Variants in MAPK4 observed in about 807,000 individuals in gnomAD.
The protein encoded by MAPK4 is Erk3-related.
MAPK4 carries 22 observed loss-of-function variants against 47.7 expected under a neutral mutation model. The observed-to-expected ratio is 0.46, with a 90% CI of 0.33 to 0.66. MAPK4 has a LOEUF of 0.66. MAPK4 is among the 30% of genes least tolerant of loss of function. The probability of loss-of-function intolerance (pLI) is 0.02; values close to 1 mark genes in which losing one functional copy is unlikely to be tolerated. For missense variants in MAPK4, 736 were observed against 831.7 expected (o/e 0.88, Z 1.42); for synonymous variants, 390 against 365.7 (o/e 1.07, Z -0.76).
intron 1 of MAPK4, among the ~76,000 whole-genome samples, chr18:50,649,966 T>G (rs1273069069): frequency 6.6e-6 from 1 of 152,116 alleles, no homozygotes; most frequent in Non-Finnish European, 1.5e-5. Context: ...AATATCCAAG[T>G]GTGTTGGCTG....
intron 1 of MAPK4, among the ~76,000 whole-genome samples, chr18:50,606,634 G>A (rs2042585611): frequency 6.6e-6 from 1 of 152,156 alleles, no homozygotes; most frequent in African/African-American, 2.4e-5. Context: ...AACCAAGGCT[G>A]GGATTGGCAA....
At chr18:50,614,170 T>G (rs1212639705) in intron 1 of MAPK4, among the ~76,000 whole-genome samples, 1 of 152,150 alleles carries the variant, frequency 6.6e-6, no homozygotes, top group East Asian at 1.9e-4. Context: ...AAATTATATA[T>G]ACTATAGCAA....
intron 1 of MAPK4, among the ~76,000 whole-genome samples, chr18:50,578,140 T>C (rs1193182779): frequency 2.6e-5 from 4 of 152,054 alleles, no homozygotes; most frequent in Non-Finnish European, 5.9e-5. Flanking sequence ...GTCCAAGGCG[T>C]AAGGGGAGGG....
chr18:50,564,535 A>G (rs1451024978), intron 1 of MAPK4, among the ~76,000 whole-genome samples: 4 of 152,228 alleles, frequency 2.6e-5, no homozygotes, highest in South Asian at 2.1e-4. Context: ...ATCATGCCAT[A>G]TAAGAGAGGC....
Position 50,722,016 on chromosome 18 carries a change from T to G in MAPK4, c.770T>G (p.Leu257Arg), listed in dbSNP as rs781093343. 6.2e-7 allele frequency: 1 copy of G among 1,613,882 alleles called. No individual in the cohort carries two copies. The highest frequency in any genetic ancestry group is 2.2e-5 in the East Asian group (1 of 44,886). Residue 257 changes from leucine to arginine, a missense_variant, in exon 4 of 6, where the codon CTC becomes CGC. Leu to Arg is a moderately radical substitution (Grantham distance 102). Around this residue, in one of 3 missense-constraint regions of MAPK4, gnomAD observed 327 missense variants for 395.4 expected, o/e 0.83. Coordinates refer to ENST00000400384, the MANE Select transcript of MAPK4 (RefSeq NM_002747.4). The part of the protein sequence containing the change: ...VIREEDKDEL[L>R]RVMPSFVSST... ...CGGGAGGAAGACAAGGACGAGCTGC[T>G]CAGGGTGATGCCTTCCTTTGTCAGC...
At chr18:50,643,369 C>T (rs2042957311) in intron 1 of MAPK4, among the ~76,000 whole-genome samples, 1 of 152,196 alleles carries the variant, frequency 6.6e-6, no homozygotes, top group South Asian at 2.1e-4. Flanking sequence ...AAACATTAGC[C>T]AGGCATGGCA....
intron 2 of MAPK4, among the ~76,000 whole-genome samples, chr18:50,671,966 C>T (rs1271162081): frequency 1.3e-5 from 2 of 151,728 alleles, no homozygotes; most frequent in Admixed American, 6.6e-5. Flanking sequence ...TCTTTGATGG[C>T]TTCTTGCCTG....
intron 1 of MAPK4, among the ~76,000 whole-genome samples, chr18:50,638,655 A>G (rs1286314761): frequency 2.0e-5 from 3 of 152,208 alleles, no homozygotes; most frequent in Non-Finnish European, 4.4e-5. Context: ...TCTAGCATGG[A>G]GAAATGAACA....
At chr18:50,573,200 A>C in intron 1 of MAPK4, among the ~76,000 whole-genome samples, 1 of 152,226 alleles carries the variant, frequency 6.6e-6, no homozygotes, top group East Asian at 1.9e-4. Flanking sequence ...AGAATTAAGA[A>C]GGTGGAGAAA....
Position 50,560,163 on chromosome 18 carries a change from C to T in MAPK4, c.-951C>T, listed in dbSNP as rs980695048. ...CGCCGTGCGCCGTGGCTGGGACCGGCCTGGCCGAGCGCGCCGGCGCCGCGG... is the reference window on the plus strand; with the variant it reads ...CGCCGTGCGCCGTGGCTGGGACCGGTCTGGCCGAGCGCGCCGGCGCCGCGG... On this transcript the variant is annotated 5_prime_UTR_variant, in exon 1 of 6. Transcript: ENST00000400384. 1.3e-5 allele frequency: 2 copies of T among 150,024 alleles called. No homozygotes were observed. The highest frequency in any genetic ancestry group is 3.0e-5 in the Non-Finnish European group (2 of 67,296). 9.3% of individuals were successfully genotyped at this position (150,024 alleles called of 1,614,324 possible). A position where few individuals can be genotyped will look rare whatever the true frequency, so the allele number is the denominator to read the frequency against.
At chr18:50,715,654 T>C (rs185828067) in intron 3 of MAPK4, among the ~76,000 whole-genome samples, 1 of 152,338 alleles carries the variant, frequency 6.6e-6, no homozygotes, top group East Asian at 1.9e-4. Context: ...AAGGACACAC[T>C]GAGATGGCAT....
At chr18:50,573,020 G>A (rs1258785352) in intron 1 of MAPK4, among the ~76,000 whole-genome samples, 1 of 152,208 alleles carries the variant, frequency 6.6e-6, no homozygotes, top group Admixed American at 6.5e-5. Context: ...AGCATGTACA[G>A]TTATGATTAT....
At chr18:50,621,722 T>G (rs1270269721) in intron 1 of MAPK4, among the ~76,000 whole-genome samples, 2 of 152,194 alleles carry the variant, frequency 1.3e-5, no homozygotes, top group Admixed American at 6.5e-5. Flanking sequence ...GAGCAAAACT[T>G]TTTTCCAGAA....
At chr18:50,630,746 G>A (rs1039321903) in intron 1 of MAPK4, among the ~76,000 whole-genome samples, 5 of 152,248 alleles carry the variant, frequency 3.3e-5, no homozygotes, top group Admixed American at 1.3e-4. Flanking sequence ...ACAGCCCTCC[G>A]CAGTCTGACC....
intron 1 of MAPK4, among the ~76,000 whole-genome samples, chr18:50,568,950 T>A (rs2042226428): frequency 6.6e-6 from 1 of 152,234 alleles, no homozygotes; most frequent in Non-Finnish European, 1.5e-5. Context: ...TGGTTCTTTA[T>A]TGTAATTTTT....
At chr18:50,580,275 C>T (rs2042332059) in intron 1 of MAPK4, among the ~76,000 whole-genome samples, 1 of 152,156 alleles carries the variant, frequency 6.6e-6, no homozygotes, top group Non-Finnish European at 1.5e-5. Context: ...CAATAGGTCA[C>T]CTTTGTTGAG....
At chr18:50,567,730 T>TTG (rs10551391) in intron 1 of MAPK4, among the ~76,000 whole-genome samples, 2,279 of 149,098 alleles carry the variant, frequency 0.015, 45 homozygotes, top group African/African-American at 0.045. Flanking sequence ...TTATAGGACT[T>TTG]TGTGTGTGTG....
chr18:50,704,961 G>A (rs1186037097), intron 2 of MAPK4: 1 of 392,858 alleles, frequency 2.5e-6, no homozygotes, highest in African/African-American at 2.1e-5. Context: ...CTTTTTGAGG[G>A]TGGAGGTGTA....
chr18:50,587,492 A>C (rs2042399005), intron 1 of MAPK4, among the ~76,000 whole-genome samples: 1 of 152,156 alleles, frequency 6.6e-6, no homozygotes, highest in African/African-American at 2.4e-5. Flanking sequence ...TCTTGTCCAA[A>C]GTTTGGGGTG....
Sources: gnomAD v4.1 joint callset for allele counts (sites outside exome capture counted in the v4.1 genomes callset) on GRCh38, gnomAD v4.1.1 for gene constraint, gnomAD v4.1.1 regional missense constraint, MANE v1.5 for transcripts, NCBI Gene and HGNC (gene_info 2026-07-23, HGNC 2026-07-21) for gene names.